The following ZBTB16 variants were observed in gnomAD, a reference collection of about 807,000 sequenced individuals.
ZBTB16 encodes the protein zinc finger and BTB domain-containing protein 16.
A neutral mutation model predicts 56.8 loss-of-function variants in ZBTB16; 8 were observed. That is an observed-to-expected ratio of 0.14 (90% confidence interval 0.08 to 0.25). The LOEUF (loss-of-function observed/expected upper bound fraction) is 0.25, where lower values mean the gene tolerates loss of function less well. Among genes scored for constraint, ZBTB16 ranks in the 10% least tolerant of loss-of-function variants. ZBTB16 has a pLI of 1.00. For synonymous variants in ZBTB16, 363 were observed against 368.5 expected (o/e 0.98, Z 0.17); for missense variants, 625 against 903.0 (o/e 0.69, Z 3.95).
intron 2 of ZBTB16, among the ~76,000 whole-genome samples, chr11:114,107,643 T>A (rs1940845108): frequency 6.6e-6 from 1 of 152,088 alleles, no homozygotes; most frequent in African/African-American, 2.4e-5. Context: ...TTTCCCAGGG[T>A]GGGTGCGCAA....
intron 4 of ZBTB16, among the ~76,000 whole-genome samples, chr11:114,235,720 T>TCTTTCTTTCTTTC (rs1454048753): frequency 8.7e-6 from 1 of 115,260 alleles, no homozygotes; most frequent in Non-Finnish European, 1.7e-5. Context: ...TTCTTTCTTT[T>TCTTTCTTTCTTTC]TCTTTCTTTC....
intron 2 of ZBTB16, among the ~76,000 whole-genome samples, chr11:114,123,139 G>T (rs192080375): frequency 2.1e-3 from 318 of 152,278 alleles, no homozygotes; most frequent in Middle Eastern, 3.4e-3. Context: ...CCTTAGGACC[G>T]CATTTAACCT....
intron 2 of ZBTB16, among the ~76,000 whole-genome samples, chr11:114,154,248 T>A (rs948940946): frequency 1.3e-5 from 2 of 152,152 alleles, no homozygotes; most frequent in African/African-American, 4.8e-5. Flanking sequence ...CAAATGGGTG[T>A]TCGTCCTCCT....
At chr11:114,238,806 T>C (rs1944647209) in intron 4 of ZBTB16, among the ~76,000 whole-genome samples, 1 of 152,186 alleles carries the variant, frequency 6.6e-6, no homozygotes, top group Admixed American at 6.5e-5. Context: ...CTCTGACATT[T>C]GCCAGTGGTG....
At chr11:114,205,073 G>A (rs1037557348) in intron 4 of ZBTB16, among the ~76,000 whole-genome samples, 3 of 152,064 alleles carry the variant, frequency 2.0e-5, no homozygotes, top group Non-Finnish European at 4.4e-5. Context: ...AGATTTCCTG[G>A]AGCTGATGAG....
At chr11:114,217,287 A>T (rs973776313) in intron 4 of ZBTB16, among the ~76,000 whole-genome samples, 1 of 152,190 alleles carries the variant, frequency 6.6e-6, no homozygotes, top group African/African-American at 2.4e-5. Context: ...ATGAGATCAG[A>T]TACATTTTGG....
At chr11:114,113,051 A>C (rs543660492) in intron 2 of ZBTB16, among the ~76,000 whole-genome samples, 2 of 152,266 alleles carry the variant, frequency 1.3e-5, no homozygotes, top group Admixed American at 6.5e-5. Flanking sequence ...CCGGGATTAC[A>C]TGCATGAGCC....
At chr11:114,243,928 G>A (rs909176950) in intron 5 of ZBTB16, among the ~76,000 whole-genome samples, 2 of 152,150 alleles carry the variant, frequency 1.3e-5, no homozygotes, top group African/African-American at 2.4e-5. Context: ...TCAGATCCAC[G>A]GGGAGGGGCT....
chr11:114,145,106 A>C (rs1942064484), intron 2 of ZBTB16, among the ~76,000 whole-genome samples: 1 of 152,250 alleles, frequency 6.6e-6, no homozygotes, highest in Non-Finnish European at 1.5e-5. Flanking sequence ...AAGCCTCAGA[A>C]CTGTATCCCC....
At chr11:114,136,646 C>A (rs1941804165) in intron 2 of ZBTB16, among the ~76,000 whole-genome samples, 1 of 151,882 alleles carries the variant, frequency 6.6e-6, no homozygotes, top group East Asian at 1.9e-4. Context: ...TCCAGTGTGC[C>A]CCCACCAAGA....
chr11:114,095,418 G>A (rs1386074108), intron 2 of ZBTB16, among the ~76,000 whole-genome samples: 10 of 151,610 alleles, frequency 6.6e-5, no homozygotes, highest in Admixed American at 2.6e-4. Context: ...CCGCCACCAC[G>A]CCCAGCTAAT....
intron 2 of ZBTB16, among the ~76,000 whole-genome samples, chr11:114,134,672 A>G (rs1023875466): frequency 7.2e-5 from 11 of 152,284 alleles, no homozygotes; most frequent in African/African-American, 2.6e-4. Context: ...GGAGATAGGT[A>G]AGGCTCGAAG....
intron 2 of ZBTB16, among the ~76,000 whole-genome samples, chr11:114,092,186 A>T (rs1940217267): frequency 6.6e-6 from 1 of 152,222 alleles, no homozygotes; most frequent in African/African-American, 2.4e-5. Context: ...CTCCGGTGAA[A>T]GGGCACTGTG....
At chr11:114,238,560 A>C (rs1030633427) in intron 4 of ZBTB16, among the ~76,000 whole-genome samples, 1 of 152,026 alleles carries the variant, frequency 6.6e-6, no homozygotes, top group Non-Finnish European at 1.5e-5. Flanking sequence ...TTACCTAATT[A>C]TCTCTCCCAG....
In ZBTB16 at chr11:114,194,684, T is replaced by G. The variant is rs186559682; in HGVS notation, c.1453+7646T>G. Among the ~76,000 whole-genome samples the G allele has an allele frequency of 3.3e-3, 505 of 152,290 alleles. 8 individuals carry two copies. Among genetic ancestry groups the G allele is most frequent in the Middle Eastern group, 3.4e-3 (1 of 294 alleles). On this transcript the variant is annotated intron_variant, in intron 4 of 6. Transcript: ENST00000335953. ...TTGTACTTCATTTACACATCAGAAT[T>G]TTTTTTACACTGTTCAGTAAAATAA...
intron 4 of ZBTB16, among the ~76,000 whole-genome samples, chr11:114,207,807 T>TA (rs756033681): frequency 1.3e-5 from 2 of 152,178 alleles, no homozygotes; most frequent in Non-Finnish European, 2.9e-5. Context: ...AGAGACAGGG[T>TA]TTCACTATGT....
intron 4 of ZBTB16, among the ~76,000 whole-genome samples, chr11:114,194,723 C>G (rs1943569099): frequency 6.6e-6 from 1 of 152,226 alleles, no homozygotes; most frequent in Non-Finnish European, 1.5e-5. Context: ...TGAGAAAACA[C>G]ACATACGTGC....
intron 2 of ZBTB16, among the ~76,000 whole-genome samples, chr11:114,100,940 C>T (rs1367826841): frequency 1.3e-5 from 2 of 151,810 alleles, no homozygotes; most frequent in Non-Finnish European, 2.9e-5. Flanking sequence ...GAGATACTCA[C>T]GGGAGCCAGC....
At chr11:114,148,421 C>CTCTCTGTCTGTCTG (rs770626931) in intron 2 of ZBTB16, among the ~76,000 whole-genome samples, 2 of 33,578 alleles carry the variant, frequency 6.0e-5, no homozygotes, top group African/African-American at 2.1e-4. Context: ...CCCTCCCTCC[C>CTCTCTGTCTGTCTG]TCCCTCTCTC....
Sources: allele counts gnomAD v4.1 joint callset (sites outside exome capture counted in the v4.1 genomes callset), GRCh38; gene constraint gnomAD v4.1.1; transcripts MANE v1.5; gene names NCBI Gene and HGNC (gene_info 2026-07-23, HGNC 2026-07-21).